Variants in XKR9 observed in about 807,000 individuals in gnomAD.
The protein encoded by XKR9 is XK-related protein 9.
XKR9 carries 32 observed loss-of-function variants against 32.0 expected under a neutral mutation model. The observed-to-expected ratio is 1.00, with a 90% CI of 0.76 to 1.34. The LOEUF is 1.34. XKR9 is among the 40% of genes most tolerant of loss of function. The pLI is 0.00. For synonymous variants in XKR9, 168 were observed against 143.4 expected (o/e 1.17, Z -1.22); for missense variants, 546 against 429.7 (o/e 1.27, Z -2.39).
At chr8:70,850,614 G>A in the XKR9 span, among the ~76,000 whole-genome samples, 1 of 152,080 alleles carries the variant, frequency 6.6e-6, no homozygotes, top group South Asian at 2.1e-4. Flanking sequence ...TTGTCCCTGG[G>A]ATGCAAGGTG....
At chr8:70,803,322 TA>T in the XKR9 span, among the ~76,000 whole-genome samples, 3 of 152,220 alleles carry the variant, frequency 2.0e-5, no homozygotes, top group Non-Finnish European at 4.4e-5. Flanking sequence ...AATGGCCATT[TA>T]ATTTTTTATC....
chr8:70,952,462 C>G, the XKR9 span, among the ~76,000 whole-genome samples: 2 of 152,324 alleles, frequency 1.3e-5, no homozygotes, highest in East Asian at 3.9e-4. Flanking sequence ...CTCTCTGCCT[C>G]CTTTTCCCTA....
the XKR9 span, among the ~76,000 whole-genome samples, chr8:70,941,217 A>G: frequency 6.6e-6 from 1 of 151,900 alleles, no homozygotes; most frequent in Non-Finnish European, 1.5e-5. Flanking sequence ...AAATAGAATT[A>G]TATAATATGT....
At chr8:70,942,698 TC>T in the XKR9 span, among the ~76,000 whole-genome samples, 1 of 152,170 alleles carries the variant, frequency 6.6e-6, no homozygotes, top group African/African-American at 2.4e-5. Flanking sequence ...AATTCAGTTT[TC>T]AGGTCTGCGG....
At chr8:70,742,628 T>C (rs1326975604) in intron 2 of XKR9, among the ~76,000 whole-genome samples, 1 of 152,174 alleles carries the variant, frequency 6.6e-6, no homozygotes, top group East Asian at 1.9e-4. Flanking sequence ...GAACATATCT[T>C]TATTTATCTT....
chr8:70,915,300 G>A, the XKR9 span, among the ~76,000 whole-genome samples: 1 of 152,090 alleles, frequency 6.6e-6, no homozygotes, highest in Non-Finnish European at 1.5e-5. Flanking sequence ...TTTCTAATCT[G>A]GTGACTAGTT....
intron 4 of XKR9, among the ~76,000 whole-genome samples, chr8:70,728,154 G>C (rs1349923053): frequency 6.6e-6 from 1 of 152,132 alleles, no homozygotes; most frequent in Non-Finnish European, 1.5e-5. Flanking sequence ...AACAAGGAGA[G>C]CTTGGAGGTT....
the XKR9 span, among the ~76,000 whole-genome samples, chr8:70,797,000 G>A: frequency 6.6e-6 from 1 of 152,138 alleles, no homozygotes; most frequent in East Asian, 1.9e-4. Context: ...ACAGGATCCT[G>A]TGACCCCAGT....
the XKR9 span, among the ~76,000 whole-genome samples, chr8:70,949,604 G>A: frequency 6.6e-6 from 1 of 152,096 alleles, no homozygotes; most frequent in Non-Finnish European, 1.5e-5. Flanking sequence ...ATGTGTGTGT[G>A]TGTTGGGTGG....
chr8:70,971,305 A>T, the XKR9 span, among the ~76,000 whole-genome samples: 1 of 151,272 alleles, frequency 6.6e-6, no homozygotes, highest in African/African-American at 2.4e-5. Context: ...CCACTTTTTG[A>T]TGGGATTTTT....
At chr8:70,933,886 A>T in the XKR9 span, among the ~76,000 whole-genome samples, 2 of 151,994 alleles carry the variant, frequency 1.3e-5, no homozygotes, top group South Asian at 2.1e-4. Flanking sequence ...GCACTTGTTG[A>T]GCTGTTCTAA....
At chr8:70,906,051 C>T in the XKR9 span, among the ~76,000 whole-genome samples, 676 of 152,328 alleles carry the variant, frequency 4.4e-3, 6 homozygotes, top group Admixed American at 0.01. Context: ...TGGGAGGCAT[C>T]TCCCAGTTAG....
chr8:70,934,089 A>G, the XKR9 span, among the ~76,000 whole-genome samples: 1 of 152,068 alleles, frequency 6.6e-6, no homozygotes, highest in Non-Finnish European at 1.5e-5. Flanking sequence ...GTATTTTTGT[A>G]TGTATAAAAT....
intron 3 of XKR9, among the ~76,000 whole-genome samples, chr8:70,683,169 A>G (rs1260939849): frequency 6.6e-6 from 1 of 152,210 alleles, no homozygotes; most frequent in African/African-American, 2.4e-5. Flanking sequence ...CTATTCCAAT[A>G]TGCTGGATCC....
chr8:70,738,633 T>G (rs1205113633), downstream of XKR9, among the ~76,000 whole-genome samples: 1 of 152,140 alleles, frequency 6.6e-6, no homozygotes, highest in Non-Finnish European at 1.5e-5. Flanking sequence ...CTCTATACAC[T>G]GCCTTGAATG....
chr8:70,890,064 C>G, the XKR9 span, among the ~76,000 whole-genome samples: 1 of 152,012 alleles, frequency 6.6e-6, no homozygotes, highest in Non-Finnish European at 1.5e-5. Context: ...GAATTTTTTT[C>G]TGAAGCCTCA....
intron 4 of XKR9, among the ~76,000 whole-genome samples, chr8:70,726,596 A>T (rs555508097): frequency 1.2e-4 from 19 of 152,368 alleles, no homozygotes; most frequent in African/African-American, 4.1e-4. Context: ...GAGATGAAAC[A>T]TGGCTTTACC....
chr8:70,895,074 A>G, the XKR9 span, among the ~76,000 whole-genome samples: 2 of 152,144 alleles, frequency 1.3e-5, no homozygotes, highest in East Asian at 3.9e-4. Flanking sequence ...AGTTGGGCTT[A>G]CTGCCTGTGA....
intron 3 of XKR9, among the ~76,000 whole-genome samples, chr8:70,683,323 ATTG>A (rs1240684990): frequency 1.3e-5 from 2 of 152,154 alleles, no homozygotes; most frequent in African/African-American, 2.4e-5. Context: ...ATATATTTAT[ATTG>A]TTGTCATTTT....
Sources: gnomAD v4.1 joint callset for allele counts (sites outside exome capture counted in the v4.1 genomes callset) on GRCh38, gnomAD v4.1.1 for gene constraint, MANE v1.5 for transcripts, NCBI Gene and HGNC (gene_info 2026-07-23, HGNC 2026-07-21) for gene names.